The following EVA1A variants were observed in gnomAD, a reference collection of about 807,000 sequenced individuals.
EVA1A encodes the protein protein eva-1 homolog A.
EVA1A carries 7 observed loss-of-function variants against 9.8 expected under a neutral mutation model. The ratio of observed to expected loss-of-function variants is 0.71; its 90% CI spans 0.41 to 1.34. The LOEUF (loss-of-function observed/expected upper bound fraction) is 1.34, where lower values mean the gene tolerates loss of function less well. Among genes scored for constraint, EVA1A ranks in the 40% most tolerant of loss-of-function variants. The pLI is 0.01. For synonymous variants in EVA1A, 90 were observed against 85.6 expected (o/e 1.05, Z -0.28); for missense variants, 206 against 205.9 (o/e 1.00, Z 0.00).
At chr2:75,534,240 A>T (rs1558685176) in intron 1 of EVA1A, among the ~76,000 whole-genome samples, 1 of 152,160 alleles carries the variant, frequency 6.6e-6, no homozygotes, top group Non-Finnish European at 1.5e-5. Flanking sequence ...CTTTGTCTCA[A>T]AAATAAAATA....
At chr2:75,561,649 G>A (rs888364636), upstream of EVA1A, among the ~76,000 whole-genome samples, 1 of 152,132 alleles carries the variant, frequency 6.6e-6, no homozygotes, top group Middle Eastern at 3.2e-3. Flanking sequence ...CCGGGTTGCG[G>A]TGGTCTCTTA....
Position 75,545,591 on chromosome 2 carries a change from G to A in EVA1A, c.-192+15089C>T, listed in dbSNP as rs143446178. Among the ~76,000 whole-genome samples the A allele has an allele frequency of 5.1e-3, 772 of 152,244 alleles. 9 individuals are homozygous for A. Among genetic ancestry groups the A allele is most frequent in the Admixed American group, 7.4e-3 (113 of 15,300 alleles). ...GAGGCCTTAAGCAGTGAGATTTCTG[G>A]ACTTGTGGTAGAGAAAAAGTGGTGA... On this transcript the variant is annotated intron_variant, in intron 1 of 3. Coordinates refer to ENST00000393913, the MANE Select transcript of EVA1A (RefSeq NM_001135032.2).
At chr2:75,568,820 A>T (rs186244300) in intron 1 of EVA1A, among the ~76,000 whole-genome samples, 69 of 152,340 alleles carry the variant, frequency 4.5e-4, no homozygotes, top group African/African-American at 1.6e-3. Context: ...GTAGTATTCC[A>T]TGATGTACAT....
intron 2 of EVA1A, among the ~76,000 whole-genome samples, 167 bp downstream of exon 2, chr2:75,522,198 T>C (rs1393795684): frequency 6.6e-6 from 1 of 152,322 alleles, no homozygotes; most frequent in Non-Finnish European, 1.5e-5. Context: ...CCTATTGCAG[T>C]GAAGCCCCCT....
intron 1 of EVA1A, among the ~76,000 whole-genome samples, chr2:75,536,710 G>A (rs545402220): frequency 6.6e-6 from 1 of 152,044 alleles, no homozygotes; most frequent in Non-Finnish European, 1.5e-5. Flanking sequence ...CAGACAAAAT[G>A]AACCAGTTCC....
Position 75,493,672 on chromosome 2 carries a change from A to G in EVA1A, c.86-63T>C, listed in dbSNP as rs1674107768. 6.8e-6 allele frequency: 10 copies of G among 1,460,456 alleles called. No individual in the cohort carries two copies. In the South Asian group the frequency reaches 8.5e-5, roughly 12 times the overall value. 90.5% of individuals were successfully genotyped at this position (1,460,456 alleles called of 1,614,324 possible). On this transcript the variant is annotated intron_variant, in intron 3 of 3. Transcript: ENST00000393913. ...TGACAACTCCATATGCAGAGATCCA[A>G]TATGACTCCAGCCTACACTTCTCAC... is the stretch of plus-strand genomic sequence containing the variant.
chr2:75,506,719 GA>G (rs1305392045), intron 3 of EVA1A, among the ~76,000 whole-genome samples: 1 of 152,194 alleles, frequency 6.6e-6, no homozygotes, highest in Non-Finnish European at 1.5e-5. Flanking sequence ...TCATTTCCAA[GA>G]GAATGTGTAA....
At chr2:75,537,383 T>G (rs750315380) in intron 1 of EVA1A, among the ~76,000 whole-genome samples, 2 of 152,182 alleles carry the variant, frequency 1.3e-5, no homozygotes, top group Non-Finnish European at 2.9e-5. Flanking sequence ...TACTCAATGT[T>G]TACTCTTTAA....
intron 1 of EVA1A, among the ~76,000 whole-genome samples, chr2:75,532,510 A>G (rs1675701652): frequency 6.6e-6 from 1 of 152,208 alleles, no homozygotes; most frequent in Non-Finnish European, 1.5e-5. Context: ...GCTTGATAGT[A>G]AATGGAGGAG....
At chr2:75,504,585 C>G (rs932788517) in intron 3 of EVA1A, among the ~76,000 whole-genome samples, 12 of 152,208 alleles carry the variant, frequency 7.9e-5, no homozygotes, top group Non-Finnish European at 1.3e-4. Flanking sequence ...TGAGAAATCT[C>G]TGTTCCTACC....
At chr2:75,515,520 A>C (rs1674971793) in intron 3 of EVA1A, among the ~76,000 whole-genome samples, 1 of 152,236 alleles carries the variant, frequency 6.6e-6, no homozygotes, top group Non-Finnish European at 1.5e-5. Flanking sequence ...ACTGGAAAGT[A>C]AAACCAGTCC....
At chr2:75,517,461 T>C (rs1675053333) in intron 3 of EVA1A, among the ~76,000 whole-genome samples, 1 of 152,234 alleles carries the variant, frequency 6.6e-6, no homozygotes, top group Admixed American at 6.5e-5. Flanking sequence ...ACTCCTTTTA[T>C]ATGAACAACA....
intron 3 of EVA1A, chr2:75,517,684 C>T (rs2103843879): frequency 1.5e-6 from 1 of 656,282 alleles, no homozygotes; most frequent in Non-Finnish European, 2.8e-6. Flanking sequence ...GTCTCACACA[C>T]AGGCAGCCTG....
intron 1 of EVA1A, among the ~76,000 whole-genome samples, chr2:75,550,408 A>G (rs1237353801): frequency 6.6e-6 from 1 of 152,178 alleles, no homozygotes; most frequent in Non-Finnish European, 1.5e-5. Flanking sequence ...ACTATGGTCT[A>G]GGTCCTCTTC....
intron 3 of EVA1A, among the ~76,000 whole-genome samples, chr2:75,507,358 T>C (rs1281471786): frequency 6.6e-6 from 1 of 152,210 alleles, no homozygotes; most frequent in Non-Finnish European, 1.5e-5. Context: ...CCCAGCTCTA[T>C]GCCTACCAAC....
At chr2:75,553,440 C>T (rs1676595626) in intron 1 of EVA1A, among the ~76,000 whole-genome samples, 1 of 152,222 alleles carries the variant, frequency 6.6e-6, no homozygotes, top group African/African-American at 2.4e-5. Context: ...GACAGCAAAA[C>T]ATTGCATTAC....
intron 1 of EVA1A, chr2:75,526,123 A>G (rs369965142): frequency 1.3e-5 from 2 of 152,226 alleles, no homozygotes; most frequent in East Asian, 1.9e-4. Flanking sequence ...TCTGTGCCCA[A>G]TGATTGACTC....
At chr2:75,528,696 C>T (rs1401020091) in intron 1 of EVA1A, among the ~76,000 whole-genome samples, 4 of 152,164 alleles carry the variant, frequency 2.6e-5, no homozygotes, top group African/African-American at 9.7e-5. Context: ...ACCTTGGTAG[C>T]TGAAGACAAA....
chr2:75,537,421 C>T (rs1045874916), intron 1 of EVA1A, among the ~76,000 whole-genome samples: 2 of 152,096 alleles, frequency 1.3e-5, no homozygotes, highest in Non-Finnish European at 2.9e-5. Flanking sequence ...AGATGCCCAC[C>T]CTCCCCACTC....
Sources: allele counts gnomAD v4.1 joint callset (sites outside exome capture counted in the v4.1 genomes callset), GRCh38; gene constraint gnomAD v4.1.1; transcripts MANE v1.5; gene names NCBI Gene and HGNC (gene_info 2026-07-23, HGNC 2026-07-21).